UNC5C: variants seen among roughly 807,000 people sequenced by gnomAD.
UNC5C encodes the protein unc-5 netrin receptor C.
In UNC5C, 47 loss-of-function variants were observed where a neutral mutation model predicts 99.8. That is an observed-to-expected ratio of 0.47 (90% CI 0.37 to 0.60). UNC5C has a LOEUF of 0.60. Ranked by LOEUF, UNC5C falls within the 20% of genes least tolerant of loss-of-function variation. UNC5C has a pLI of 0.00. For synonymous variants in UNC5C, 487 were observed against 452.2 expected, an observed-to-expected ratio of 1.08 and a Z score of -0.98; for missense variants, 1,062 against 1,165.9, an observed-to-expected ratio of 0.91 and a Z score of 1.30.
intron 1 of UNC5C, among the ~76,000 whole-genome samples, 187 bp downstream of exon 1, chr4:95,548,547 T>A (rs1413619086): frequency 1.3e-5 from 2 of 151,478 alleles, no homozygotes; most frequent in African/African-American, 4.9e-5. Context: ...TTAAACATAA[T>A]AATAATAATA....
At chr4:95,178,584 G>A (rs1203462640) in intron 14 of UNC5C, among the ~76,000 whole-genome samples, 1 of 152,202 alleles carries the variant, frequency 6.6e-6, no homozygotes, top group Non-Finnish European at 1.5e-5. Flanking sequence ...GAAAATATTT[G>A]TCCTTAGTAC....
chr4:95,450,988 C>A (rs949138869), intron 1 of UNC5C, among the ~76,000 whole-genome samples: 1 of 152,124 alleles, frequency 6.6e-6, no homozygotes, highest in African/African-American at 2.4e-5. Context: ...CATAAATCTT[C>A]AATAAATGTT....
At chr4:95,477,012 A>T (rs265055) in intron 1 of UNC5C, among the ~76,000 whole-genome samples, 46,175 of 152,048 alleles carry the variant, frequency 0.3, 10,863 homozygotes, top group African/African-American at 0.65. Flanking sequence ...TATGTGCATG[A>T]GTGTGCACGT....
chr4:95,165,549 G>C lies in UNC5C; in HGVS notation c.*3685C>G, dbSNP rs928945907. The C allele has an allele frequency of 2.0e-5, 3 of 152,136 alleles. No individual in the cohort carries two copies. Among genetic ancestry groups the C allele is most frequent in the Admixed American group, 6.5e-5 (1 of 15,270 alleles). The allele number at this position is 152,136 out of a possible 1,614,324, so 9.4% of individuals were successfully genotyped here. A position where few individuals can be genotyped will look rare whatever the true frequency, so the allele number is the denominator to read the frequency against. On this transcript the variant is annotated 3_prime_UTR_variant, in exon 16 of 16. Transcript: ENST00000453304. ...CTGAATCCAACTTCTATTCCTTCCAGATACATTAAGGAAACTTGAAAGAGT... is the reference window on the plus strand; with the variant it reads ...CTGAATCCAACTTCTATTCCTTCCACATACATTAAGGAAACTTGAAAGAGT...
chr4:95,166,791 C>T lies in UNC5C; in HGVS notation c.*2443G>A, dbSNP rs567583197. 5 of 152,274 alleles carry T rather than the reference C, an allele frequency of 3.3e-5. No individual in the cohort carries two copies. The East Asian group carries it at 7.7e-4, about 24-fold the overall frequency. The allele number at this position is 152,274 out of a possible 1,614,324, so 9.4% of individuals were successfully genotyped here. On this transcript the variant is annotated 3_prime_UTR_variant, in exon 16 of 16. Coordinates refer to ENST00000453304, the MANE Select transcript of UNC5C (RefSeq NM_003728.4). Reference sequence around the variant, plus strand: ...TGGACAATAGCTCTCTTTCCTCCTCCTCCTTTTAAAAAATGTGTGTGTATA... The same window carrying T: ...TGGACAATAGCTCTCTTTCCTCCTCTTCCTTTTAAAAAATGTGTGTGTATA...
chr4:95,268,125 AT>A (rs531587372), intron 4 of UNC5C, among the ~76,000 whole-genome samples: 7 of 149,554 alleles, frequency 4.7e-5, no homozygotes, highest in East Asian at 2.0e-4. Context: ...AATTTTTTGC[AT>A]TTTTTTTAGT....
At chr4:95,325,830 A>T (rs938595783) in intron 2 of UNC5C, among the ~76,000 whole-genome samples, 2 of 152,196 alleles carry the variant, frequency 1.3e-5, no homozygotes, top group Non-Finnish European at 2.9e-5. Context: ...AAAACCTGAC[A>T]CAAGGCAAGG....
chr4:95,184,230 A>ATAAT (rs1736736406), intron 13 of UNC5C, among the ~76,000 whole-genome samples: 1 of 152,184 alleles, frequency 6.6e-6, no homozygotes, highest in Admixed American at 6.5e-5. Flanking sequence ...CTTGTTTCCC[A>ATAAT]TAATTTATGT....
chr4:95,258,293 T>C (rs1424054098), intron 4 of UNC5C, among the ~76,000 whole-genome samples: 2 of 152,240 alleles, frequency 1.3e-5, no homozygotes, highest in African/African-American at 2.4e-5. Context: ...TGAATTCTGT[T>C]CATATTTTGG....
intron 1 of UNC5C, among the ~76,000 whole-genome samples, chr4:95,344,016 A>G (rs1481244601): frequency 2.0e-5 from 3 of 152,150 alleles, no homozygotes; most frequent in African/African-American, 7.2e-5. Flanking sequence ...ATATAAAGGT[A>G]GAAAGTTTAT....
At chr4:95,517,535 T>C (rs1722248484) in intron 1 of UNC5C, among the ~76,000 whole-genome samples, 1 of 152,166 alleles carries the variant, frequency 6.6e-6, no homozygotes, top group Admixed American at 6.5e-5. Context: ...GAAATGCTCC[T>C]AAAAAATCAG....
At chr4:95,372,739 G>A (rs986207798) in intron 1 of UNC5C, among the ~76,000 whole-genome samples, 1 of 152,186 alleles carries the variant, frequency 6.6e-6, no homozygotes, top group Non-Finnish European at 1.5e-5. Flanking sequence ...CAGAACGAAT[G>A]TGTGGTTGGT....
intron 3 of UNC5C, among the ~76,000 whole-genome samples, chr4:95,281,047 T>C (rs940153377): frequency 1.4e-4 from 22 of 152,314 alleles, no homozygotes; most frequent in African/African-American, 5.3e-4. Context: ...GAATATCATT[T>C]ATGAGCTTCA....
chr4:95,171,409 G>A (rs1423809049), intron 14 of UNC5C, among the ~76,000 whole-genome samples: 1 of 106,834 alleles, frequency 9.4e-6, no homozygotes, highest in African/African-American at 3.6e-5. Context: ...CCCCACAACA[G>A]TCCCCAGAGT....
chr4:95,319,557 T>C (rs1474120450), intron 2 of UNC5C, among the ~76,000 whole-genome samples: 1 of 152,210 alleles, frequency 6.6e-6, no homozygotes, highest in African/African-American at 2.4e-5. Context: ...GGCTGGTTTT[T>C]ACATCTCCAA....
In UNC5C at chr4:95,219,011, T is replaced by A; in HGVS notation, c.1603A>T (p.Ser535Cys). ...QTDPSCTAFGSFNSLGGHLIV... is the reference protein window; with the variant it reads ...QTDPSCTAFGCFNSLGGHLIV... Reference sequence around the variant, plus strand: ...AGGTGACCTCCCAGCGAGTTGAAGCTGCCAAATGCGGTACAGGATGGATCA... The same window carrying A: ...AGGTGACCTCCCAGCGAGTTGAAGCAGCCAAATGCGGTACAGGATGGATCA... Residue 535 changes from serine (S) to cysteine (C), a missense_variant, in exon 9 of 16, where the codon AGC becomes TGC. Transcript: ENST00000453304. 1 of 1,612,886 alleles carries A rather than the reference T, an allele frequency of 6.2e-7. No individual in the cohort carries two copies. The highest frequency in any genetic ancestry group is 8.5e-7 in the Non-Finnish European group (1 of 1,179,084).
At chr4:95,419,753 A>C (rs549062116) in intron 1 of UNC5C, among the ~76,000 whole-genome samples, 3 of 152,206 alleles carry the variant, frequency 2.0e-5, no homozygotes, top group African/African-American at 7.2e-5. Flanking sequence ...CCATTTATAG[A>C]CTGATGCTTT....
intron 12 of UNC5C, among the ~76,000 whole-genome samples, chr4:95,193,762 C>A (rs1190971730): frequency 6.6e-6 from 1 of 152,146 alleles, no homozygotes; most frequent in Non-Finnish European, 1.5e-5. Flanking sequence ...AGCTTTTCGG[C>A]GACGCTGCTG....
chr4:95,203,120 T>A (rs560206241), intron 11 of UNC5C, among the ~76,000 whole-genome samples, 156 bp from the exon 12 acceptor site: 1 of 152,342 alleles, frequency 6.6e-6, no homozygotes, highest in Admixed American at 6.5e-5. Context: ...TTCATCATTC[T>A]GTCTCTTTCT....
Sources: allele counts gnomAD v4.1 joint callset (sites outside exome capture counted in the v4.1 genomes callset), GRCh38; gene constraint gnomAD v4.1.1; transcripts MANE v1.5; gene names NCBI Gene and HGNC (gene_info 2026-07-23, HGNC 2026-07-21).